STK3: variants seen among roughly 807,000 people sequenced by gnomAD.
The protein encoded by STK3 is serine/threonine kinase 3, also known as serine/threonine-protein kinase 3.
A neutral mutation model predicts 58.0 loss-of-function variants in STK3; 41 were observed. The ratio of observed to expected loss-of-function variants is 0.71; its 90% CI spans 0.55 to 0.92. The LOEUF is 0.92. Among genes scored for constraint, STK3 ranks in the 40% least tolerant of loss-of-function variants. The pLI, the probability that STK3 is intolerant of heterozygous loss-of-function variation, is 0.00. For missense variants in STK3, 479 were observed against 602.7 expected (o/e 0.79, Z 2.15); for synonymous variants, 170 against 191.0 (o/e 0.89, Z 0.91).
intron 3 of STK3, among the ~76,000 whole-genome samples, chr8:98,838,762 T>G (rs1002450263): frequency 6.6e-6 from 1 of 152,114 alleles, no homozygotes; most frequent in Non-Finnish European, 1.5e-5. Flanking sequence ...TCTTTTTCCC[T>G]AAAGTTTTCC....
chr8:98,848,583 A>G (rs567005390), intron 3 of STK3, among the ~76,000 whole-genome samples: 3 of 152,274 alleles, frequency 2.0e-5, no homozygotes, highest in South Asian at 2.1e-4. Flanking sequence ...TGGACATTTC[A>G]TATGAATGGA....
chr8:98,705,840 A>ACAGGCAATTAGACTTGAATATG (rs1825927059), intron 6 of STK3, among the ~76,000 whole-genome samples: 1 of 152,212 alleles, frequency 6.6e-6, no homozygotes, highest in Non-Finnish European at 1.5e-5. Context: ...ACCCTGAAAC[A>ACAGGCAATTAGACTTGAATATG]CAGGCAATTA....
rs1315238993 is a variant in STK3, at chr8:98,407,755, TGTGCGC to T, written n.484-6248_484-6243del. Among the ~76,000 whole-genome samples the T allele has an allele frequency of 7.1e-3, 733 of 102,882 alleles. 2 individuals carry two copies. Among genetic ancestry groups the T allele is most frequent in the Non-Finnish European group, 0.01 (446 of 44,198 alleles). 67.5% of individuals were successfully genotyped at this position (102,882 alleles called of 152,430 possible). ...GTGTGTGTGTGTGTGTGTGTGTGTG[TGTGCGC>T]GCGCGCGCGCATGCATGGTATGACT... On this transcript the variant is annotated intron_variant and non_coding_transcript_variant, in intron 3 of 3. Transcript: ENST00000517832.
the STK3 span, among the ~76,000 whole-genome samples, chr8:98,358,021 A>G: frequency 6.6e-6 from 1 of 152,160 alleles, no homozygotes; most frequent in African/African-American, 2.4e-5. Flanking sequence ...AAACTCCAAC[A>G]TTCAGAACAT....
intron 1 of STK3, among the ~76,000 whole-genome samples, chr8:98,381,584 T>C (rs768801956): frequency 6.0e-4 from 91 of 152,174 alleles, no homozygotes; most frequent in Non-Finnish European, 1.1e-3. Context: ...AACCACAGGG[T>C]TGGGAGTCAG....
At chr8:98,594,849 ATAGT>A (rs1263552698) in intron 7 of STK3, 1 of 152,174 alleles carries the variant, frequency 6.6e-6, no homozygotes, top group Admixed American at 6.5e-5. Context: ...TGCCCCATCC[ATAGT>A]TAGTTACCTT....
chr8:98,932,967 T>A (rs1283639285), intron 1 of STK3, among the ~76,000 whole-genome samples: 1 of 152,208 alleles, frequency 6.6e-6, no homozygotes, highest in African/African-American at 2.4e-5. Flanking sequence ...AAAAGTCAGC[T>A]AGTTTGAGGA....
intron 1 of STK3, among the ~76,000 whole-genome samples, chr8:98,915,938 T>G (rs1157917154): frequency 6.6e-6 from 1 of 152,228 alleles, no homozygotes; most frequent in South Asian, 2.1e-4. Context: ...AGAAGAAAAT[T>G]CCTCCTGTTT....
At chr8:98,927,481 C>T (rs2132028285) in intron 1 of STK3, among the ~76,000 whole-genome samples, 1 of 152,328 alleles carries the variant, frequency 6.6e-6, no homozygotes, top group African/African-American at 2.4e-5. Flanking sequence ...GGAAGGTCTT[C>T]TCCTACTACT....
intron 1 of STK3, among the ~76,000 whole-genome samples, chr8:98,939,480 G>A (rs1840319452): frequency 2.0e-5 from 3 of 152,362 alleles, no homozygotes; most frequent in Admixed American, 2.0e-4. Context: ...CTGCTCTAGA[G>A]GGTAACTCGG....
intron 6 of STK3, among the ~76,000 whole-genome samples, chr8:98,700,666 CAT>C (rs1241239559): frequency 1.3e-5 from 2 of 152,204 alleles, no homozygotes; most frequent in East Asian, 3.8e-4. Context: ...TTTATTTACA[CAT>C]CTTTTTTTAA....
At chr8:98,638,944 A>T (rs1299572244) in intron 6 of STK3, among the ~76,000 whole-genome samples, 1 of 152,208 alleles carries the variant, frequency 6.6e-6, no homozygotes, top group Non-Finnish European at 1.5e-5. Context: ...CAAATATAGT[A>T]AATATTAAGT....
At chr8:98,449,209 T>C (rs1430335276) in intron 1 of STK3, among the ~76,000 whole-genome samples, 2 of 152,160 alleles carry the variant, frequency 1.3e-5, no homozygotes, top group Admixed American at 1.3e-4. Flanking sequence ...ATACAGAAGA[T>C]TCCAGCAATT....
chr8:98,736,738 T>A (rs1362525329), intron 4 of STK3, among the ~76,000 whole-genome samples: 2 of 151,668 alleles, frequency 1.3e-5, no homozygotes, highest in Non-Finnish European at 2.9e-5. Flanking sequence ...GACTTACTAC[T>A]CTTAAAACAA....
At chr8:98,744,807 A>G (rs1355511671) in intron 4 of STK3, among the ~76,000 whole-genome samples, 1 of 152,164 alleles carries the variant, frequency 6.6e-6, no homozygotes, top group African/African-American at 2.4e-5. Flanking sequence ...GACCAAATAT[A>G]GAGACAAATA....
At chr8:98,390,681 G>A (rs1159226984), upstream of STK3, among the ~76,000 whole-genome samples, 1 of 151,830 alleles carries the variant, frequency 6.6e-6, no homozygotes, top group Non-Finnish European at 1.5e-5. Context: ...TGACTTAAAT[G>A]TCAGACTTTT....
chr8:98,375,284 A>C (rs1030299051), intron 2 of STK3, among the ~76,000 whole-genome samples: 10 of 149,962 alleles, frequency 6.7e-5, no homozygotes, highest in Admixed American at 4.0e-4. Context: ...AAAAAAACAA[A>C]AAAAAAAACC....
intron 7 of STK3, among the ~76,000 whole-genome samples, chr8:98,592,776 T>TATTC (rs75343919): frequency 1.3e-5 from 2 of 150,106 alleles, no homozygotes; most frequent in African/African-American, 4.9e-5. Context: ...TTTATTTATT[T>TATTC]ATTTTGAGAC....
At chr8:98,702,971 T>G (rs1825723690) in intron 6 of STK3, among the ~76,000 whole-genome samples, 1 of 152,234 alleles carries the variant, frequency 6.6e-6, no homozygotes, top group South Asian at 2.1e-4. Flanking sequence ...GGGGTCTTCA[T>G]GTCAATCACA....
Sources: allele counts gnomAD v4.1 joint callset (sites outside exome capture counted in the v4.1 genomes callset), GRCh38; gene constraint gnomAD v4.1.1; transcripts MANE v1.5; gene names NCBI Gene and HGNC (gene_info 2026-07-23, HGNC 2026-07-21).